POLE2: variants seen among roughly 807,000 people sequenced by gnomAD.
POLE2 encodes the protein DNA polymerase epsilon 2, accessory subunit, also known as DNA polymerase epsilon subunit 2.
A neutral mutation model predicts 79.4 loss-of-function variants in POLE2; 56 were observed. That is an observed-to-expected ratio of 0.71 (90% confidence interval 0.57 to 0.88). POLE2 has a LOEUF of 0.88. POLE2 is among the 40% of genes least tolerant of loss of function. The pLI is 0.00. For synonymous variants in POLE2, 212 were observed against 214.0 expected (o/e 0.99, Z 0.08); for missense variants, 598 against 638.9 (o/e 0.94, Z 0.69).
chr14:49,658,875 T>G (rs1884900500), intron 10 of POLE2, among the ~76,000 whole-genome samples: 1 of 152,124 alleles, frequency 6.6e-6, no homozygotes, highest in African/African-American at 2.4e-5. Context: ...TTAATCATTA[T>G]TTTAGAGTGT....
chr14:49,654,317 A>C (rs763391641), intron 13 of POLE2, 103 bp from the exon 14 acceptor site: 62 of 794,248 alleles, frequency 7.8e-5, no homozygotes, highest in Non-Finnish European at 1.1e-4. Context: ...AAATTAAAAA[A>C]CATTTAAATT....
chr14:49,675,704 G>C (rs908864343), intron 3 of POLE2, among the ~76,000 whole-genome samples: 20 of 147,522 alleles, frequency 1.4e-4, no homozygotes, highest in African/African-American at 4.2e-4. Context: ...GGGATTACAG[G>C]CATGAGCCAC....
At chr14:49,650,224 C>T (rs1884110395) in intron 17 of POLE2, 41 bp downstream of exon 17, 1 of 1,118,304 alleles carries the variant, frequency 8.9e-7, no homozygotes, top group Non-Finnish European at 1.2e-6. Flanking sequence ...GCACTCTAAT[C>T]TTGATAAATA....
intron 17 of POLE2, among the ~76,000 whole-genome samples, chr14:49,649,142 T>C (rs981277199): frequency 1.1e-5 from 1 of 89,368 alleles, no homozygotes; most frequent in Non-Finnish European, 2.4e-5. Flanking sequence ...TTTCCCTTTT[T>C]TTTTTTTTTT....
chr14:49,678,255 G>A lies in POLE2; in HGVS notation c.245+1470C>T, dbSNP rs575214192. Among the ~76,000 whole-genome samples the A allele has an allele frequency of 1.2e-4, 19 of 152,062 alleles. No homozygotes were observed. In the South Asian group the frequency reaches 2.1e-3, roughly 17 times the overall value. The stretch of plus-strand genomic sequence containing the variant: ...TGACCTCAGGTGATCTGCCCACCTC[G>A]GCCTCCCAAAGTGCTGGGATTACGG... On this transcript the variant is annotated intron_variant, in intron 3 of 18. Coordinates refer to ENST00000216367, the MANE Select transcript of POLE2 (RefSeq NM_002692.4).
chr14:49,675,011 A>C (rs1384858646), intron 3 of POLE2, among the ~76,000 whole-genome samples: 1 of 152,204 alleles, frequency 6.6e-6, no homozygotes, highest in East Asian at 1.9e-4. Flanking sequence ...CATCTGTTGA[A>C]AAAGAAGAAT....
At chr14:49,652,420 T>C (rs1394217356) in intron 15 of POLE2, among the ~76,000 whole-genome samples, 1 of 151,768 alleles carries the variant, frequency 6.6e-6, no homozygotes, top group Non-Finnish European at 1.5e-5. Flanking sequence ...CTCCAGGCCA[T>C]GGACTGGTAC....
At chr14:49,672,711 C>A (rs1885986945) in intron 5 of POLE2, among the ~76,000 whole-genome samples, 1 of 152,130 alleles carries the variant, frequency 6.6e-6, no homozygotes, top group Admixed American at 6.6e-5. Context: ...GTTGGTCAGG[C>A]TGGTCTCGAA....
At chr14:49,648,539 C>T (rs1883953542) in intron 17 of POLE2, among the ~76,000 whole-genome samples, 1 of 152,172 alleles carries the variant, frequency 6.6e-6, no homozygotes, top group Non-Finnish European at 1.5e-5. Context: ...AGCAATAAAA[C>T]CAAATCAGTT....
At chr14:49,679,915 T>C (rs1886577846) in intron 2 of POLE2, 115 bp from the exon 3 acceptor site, 6 of 626,034 alleles carry the variant, frequency 9.6e-6, no homozygotes, top group Non-Finnish European at 1.2e-5. Context: ...ATTCTCATTA[T>C]ACAGTTTTTG....
intron 5 of POLE2, 46 bp downstream of exon 5, chr14:49,674,077 T>C: frequency 9.3e-7 from 1 of 1,072,782 alleles, no homozygotes; most frequent in Admixed American, 1.7e-5. Context: ...TCTCCTTTTC[T>C]CTCATTTTAC....
At position 49,647,331 on chromosome 14, in the gene POLE2, G is replaced by C; in HGVS notation, c.1527C>G (p.Phe509Leu). Residue 509 changes from phenylalanine to leucine, a missense_variant, in exon 18 of 19, where the codon TTC (phenylalanine) becomes TTG (leucine). Phe to Leu is a conservative substitution (Grantham distance 22). Coordinates refer to ENST00000216367, the MANE Select transcript of POLE2 (RefSeq NM_002692.4). ...TCTTATTAGAAGGATAAAAAACTTT[G>C]AATGAAAATCCACTTCTTGGAAAAG... Reference protein sequence around the residue: ...PGSFPRSGFSFKVFYPSNKTV... With the variant: ...PGSFPRSGFSLKVFYPSNKTV... 1 of 1,573,006 alleles carries C rather than the reference G, an allele frequency of 6.4e-7. No individual in the cohort carries two copies. The highest frequency in any genetic ancestry group is 8.7e-7 in the Non-Finnish European group (1 of 1,155,952).
At chr14:49,658,971 A>G (rs1566541569) in intron 10 of POLE2, among the ~76,000 whole-genome samples, 1 of 152,226 alleles carries the variant, frequency 6.6e-6, no homozygotes, top group African/African-American at 2.4e-5. Flanking sequence ...TTGTTACTAC[A>G]GATGGCAGCT....
At chr14:49,671,889 G>A (rs368101710) in intron 5 of POLE2, among the ~76,000 whole-genome samples, 34 of 152,088 alleles carry the variant, frequency 2.2e-4, no homozygotes, top group Non-Finnish European at 4.6e-4. Context: ...AGGAGGCAGA[G>A]GTTACAGTGA....
rs758936509 is a variant in POLE2 at position 49,663,298 on chromosome 14, A to G, written c.755+17T>C. 2.1e-6 allele frequency: 3 copies of G among 1,457,392 alleles called. No homozygotes were observed. The highest frequency in any genetic ancestry group is 2.5e-5 in the South Asian group (2 of 80,794). 90.3% of individuals were successfully genotyped at this position (1,457,392 alleles called of 1,614,324 possible). ...ATTACCAAATTCCCATAGAGTATAA[A>G]CCAAACATTTTAATACCTAGTAGTA... On this transcript the variant is annotated intron_variant, in intron 10 of 18. Coordinates refer to ENST00000216367, the MANE Select transcript of POLE2 (RefSeq NM_002692.4).
chr14:49,687,472 G>A (rs946260463), intron 1 of POLE2, among the ~76,000 whole-genome samples: 1 of 151,962 alleles, frequency 6.6e-6, no homozygotes, highest in Non-Finnish European at 1.5e-5. Context: ...AACTGCAGAC[G>A]TGCAAGTGGG....
chr14:49,670,400 T>C (rs1427770511), intron 5 of POLE2, among the ~76,000 whole-genome samples: 1 of 149,990 alleles, frequency 6.7e-6, no homozygotes, highest in Non-Finnish European at 1.5e-5. Flanking sequence ...CTATGCAAAG[T>C]TTAATACAGT....
chr14:49,660,238 A>G (rs1394361278), intron 10 of POLE2, among the ~76,000 whole-genome samples: 6 of 152,362 alleles, frequency 3.9e-5, no homozygotes, highest in South Asian at 4.1e-4. Flanking sequence ...TGTACCATAC[A>G]GCCTTGGTGT....
At chr14:49,674,843 G>T (rs1853726590) in intron 3 of POLE2, among the ~76,000 whole-genome samples, 1 of 152,172 alleles carries the variant, frequency 6.6e-6, no homozygotes, top group Admixed American at 6.6e-5. Context: ...TGGGATTACA[G>T]ATGTGAGCCA....
Sources: gnomAD v4.1 joint callset for allele counts (sites outside exome capture counted in the v4.1 genomes callset) on GRCh38, gnomAD v4.1.1 for gene constraint, MANE v1.5 for transcripts, NCBI Gene and HGNC (gene_info 2026-07-23, HGNC 2026-07-21) for gene names.